IQCH: variants seen among roughly 807,000 people sequenced by gnomAD.
IQCH encodes IQ motif containing H, also known as IQ domain-containing protein H.
In IQCH, 98 loss-of-function variants were observed where a neutral mutation model predicts 117.0. The ratio of observed to expected loss-of-function variants is 0.84; its 90% confidence interval spans 0.71 to 0.99. The LOEUF (loss-of-function observed/expected upper bound fraction) is 0.99, where lower values mean the gene tolerates loss of function less well. IQCH is among the 50% of genes least tolerant of loss of function. The pLI, the probability that IQCH is intolerant of heterozygous loss-of-function variation, is 0.00. For synonymous variants in IQCH, 412 were observed against 448.2 expected (o/e 0.92, Z 1.02); for missense variants, 1,102 against 1,243.8 (o/e 0.89, Z 1.72).
At position 67,457,441 on chromosome 15, in the gene IQCH, T is replaced by A. The variant is rs946196325; in HGVS notation, c.2506-7686T>A. ...TGGGATTCTGAGGCCTGTATTTAAA[T>A]AGCATCTGCAAAGAGTTAAATGTGC... On this transcript the variant is annotated intron_variant, in intron 16 of 20. Transcript: ENST00000335894. This position sits in a 1 kb window ranked among gnomAD's most constrained non-coding sequence, Gnocchi z 5.7. 6.6e-6 allele frequency among the ~76,000 whole-genome samples: 1 copy of A among 152,214 alleles called. No homozygotes were observed. Among genetic ancestry groups the A allele is most frequent in the South Asian group, 2.1e-4 (1 of 4,834 alleles).
chr15:67,360,793 GAT>G (rs1043874520), intron 8 of IQCH, among the ~76,000 whole-genome samples: 2 of 152,222 alleles, frequency 1.3e-5, no homozygotes, highest in African/African-American at 4.8e-5. Flanking sequence ...GCTGTGCCTA[GAT>G]AGAGCTGTAT....
At chr15:67,261,543 T>C (rs754245799) in intron 2 of IQCH, 149 bp downstream of exon 2, 16 of 599,606 alleles carry the variant, frequency 2.7e-5, no homozygotes, top group Non-Finnish European at 4.3e-5. Context: ...TTATTTGTTC[T>C]CATAATTATT....
chr15:67,467,285 C>CAATT lies in IQCH; in HGVS notation c.2676+1989_2676+1992dup. On this transcript the variant is annotated intron_variant, in intron 17 of 20. Transcript: ENST00000335894. The surrounding 1 kb of genome is among the most constrained non-coding windows in gnomAD (Gnocchi z 5.7). ...GTATTCAGCACAAGACTTCCAAAGA[C>CAATT]AATTGCAGCTTTGAAGTATGTTGCT... is the stretch of plus-strand genomic sequence containing the variant. 6.6e-6 allele frequency among the ~76,000 whole-genome samples: 1 copy of CAATT among 152,286 alleles called. No individual in the cohort carries two copies. Among genetic ancestry groups the CAATT allele is most frequent in the South Asian group, 2.1e-4 (1 of 4,826 alleles).
At chr15:67,439,155 G>A (rs1406130595) in intron 16 of IQCH, among the ~76,000 whole-genome samples, 1 of 152,110 alleles carries the variant, frequency 6.6e-6, no homozygotes, top group African/African-American at 2.4e-5. Flanking sequence ...CTTATGATAG[G>A]CCATAAAACG....
chr15:67,388,795 C>T lies in IQCH; in HGVS notation c.1457-36C>T, dbSNP rs1305320067. ...CAGAGTTCATAATGTCATTTACCTT[C>T]ACACCAGTAATTAACATTGTGCCTG... is the stretch of plus-strand genomic sequence containing the variant. On this transcript the variant is annotated intron_variant, in intron 11 of 20. Transcript: ENST00000335894. The surrounding 1 kb of genome is among the most constrained non-coding windows in gnomAD (Gnocchi z 5.5). 2.6e-6 allele frequency: 4 copies of T among 1,549,346 alleles called. No homozygotes were observed. Among genetic ancestry groups the T allele is most frequent in the Admixed American group, 3.4e-5 (2 of 59,390 alleles).
chr15:67,412,102 A>C (rs2081464955), intron 14 of IQCH, among the ~76,000 whole-genome samples: 2 of 152,238 alleles, frequency 1.3e-5, no homozygotes, highest in Non-Finnish European at 2.9e-5. Context: ...TAGAGCTATC[A>C]GCCCCACAAA....
At position 67,448,223 on chromosome 15, in the gene IQCH, T is replaced by C. The variant is rs112452577; in HGVS notation, c.2506-16904T>C. ...ACCATATACCATAAAATTCACACTT[T>C]TTAAAATTTTATTATTATACTTTAA... is the stretch of plus-strand genomic sequence containing the variant. On this transcript the variant is annotated intron_variant, in intron 16 of 20. Transcript: ENST00000335894. Among the ~76,000 whole-genome samples the C allele has an allele frequency of 9.1e-3, 1,379 of 152,134 alleles. 31 individuals carry two copies. Among genetic ancestry groups the C allele is most frequent in the African/African-American group, 0.032 (1,318 of 41,484 alleles).
chr15:67,286,416 C>G (rs560592519), intron 4 of IQCH, among the ~76,000 whole-genome samples: 1 of 151,932 alleles, frequency 6.6e-6, no homozygotes, highest in East Asian at 1.9e-4. Flanking sequence ...ATTTGGATGC[C>G]CTTTATTTCT....
chr15:67,444,182 C>T (rs542929785), intron 16 of IQCH, among the ~76,000 whole-genome samples: 1 of 152,328 alleles, frequency 6.6e-6, no homozygotes, highest in East Asian at 1.9e-4. Flanking sequence ...CCAGAAAACA[C>T]ATCTCCTATT....
chr15:67,380,632 A>G (rs550538820), intron 10 of IQCH, among the ~76,000 whole-genome samples: 4 of 152,306 alleles, frequency 2.6e-5, no homozygotes, highest in Admixed American at 2.0e-4. Context: ...TTATTTTTCT[A>G]CCATTAGAAT....
chr15:67,279,518 T>C lies in IQCH; in HGVS notation c.387+6T>C, dbSNP rs762935869. On this transcript the variant is annotated splice_donor_region_variant and intron_variant, in intron 4 of 20. Coordinates refer to ENST00000335894, the MANE Select transcript of IQCH (RefSeq NM_001031715.3). ...CTGTCTTTCCAAGAGCAAAGGTAGG[T>C]ATAGAGAAATTCATAGAGACAGAAA... The C allele has an allele frequency of 7.2e-6, 11 of 1,520,020 alleles. No individual in the cohort carries two copies. The highest frequency in any genetic ancestry group is 4.1e-5 in the African/African-American group (3 of 72,340). 94.2% of individuals were successfully genotyped at this position (1,520,020 alleles called of 1,614,324 possible).
chr15:67,307,619 A>G (rs947882022), intron 4 of IQCH, among the ~76,000 whole-genome samples: 14 of 152,180 alleles, frequency 9.2e-5, no homozygotes, highest in Non-Finnish European at 1.3e-4. Context: ...TGGCAACGGT[A>G]GCAGAATTAG....
rs938849846 is a variant in IQCH, at chr15:67,327,432, T to TA, written c.388-9534dup. Reference sequence around the variant, plus strand: ...CTGCATAATAAATCACATCAAATCTTAAAAAAAAATGTATAACAGCAGCTC... The same window carrying TA: ...CTGCATAATAAATCACATCAAATCTTAAAAAAAAAATGTATAACAGCAGCTC... On this transcript the variant is annotated intron_variant, in intron 4 of 20. Transcript: ENST00000335894. 4.5e-3 allele frequency among the ~76,000 whole-genome samples: 675 copies of TA among 151,662 alleles called. 4 individuals are homozygous for TA. Among genetic ancestry groups the TA allele is most frequent in the African/African-American group, 0.016 (652 of 41,382 alleles).
rs2082915674 is a variant in IQCH, at chr15:67,465,780, G to A, written c.2676+483G>A. 6.6e-6 allele frequency among the ~76,000 whole-genome samples: 1 copy of A among 152,070 alleles called. No homozygotes were observed. The highest frequency in any genetic ancestry group is 2.4e-5 in the African/African-American group (1 of 41,414). On this transcript the variant is annotated intron_variant, in intron 17 of 20. Transcript: ENST00000335894. The surrounding 1 kb of genome is among the most constrained non-coding windows in gnomAD (Gnocchi z 5.9). ...CCAGAGGCTGATAAGATAACCCCCA[G>A]CCCCACATCCAGTCAGCAAGCAGGG... is the stretch of plus-strand genomic sequence containing the variant.
Position 67,416,834 on chromosome 15 carries a change from T to C in IQCH, c.2098-97T>C. On this transcript the variant is annotated intron_variant, in intron 14 of 20. Coordinates refer to ENST00000335894, the MANE Select transcript of IQCH (RefSeq NM_001031715.3). The surrounding 1 kb of genome is among the most constrained non-coding windows in gnomAD (Gnocchi z 5.1). The stretch of plus-strand genomic sequence containing the variant: ...CTCTGGGTAAACAGTAACCACATTT[T>C]TTTTGCCTGTTGGAGGCCTGGTTTT... 1.0e-6 allele frequency: 1 copy of C among 998,700 alleles called. No homozygotes were observed. The highest frequency in any genetic ancestry group is 1.4e-6 in the Non-Finnish European group (1 of 736,660). 61.9% of individuals were successfully genotyped at this position (998,700 alleles called of 1,614,324 possible).
intron 16 of IQCH, among the ~76,000 whole-genome samples, chr15:67,434,283 T>C (rs1390992852): frequency 6.6e-6 from 1 of 152,218 alleles, no homozygotes; most frequent in Admixed American, 6.5e-5. Flanking sequence ...TTTCTGTTGC[T>C]ATAAGTTTGA....
At position 67,272,534 on chromosome 15, in the gene IQCH, T is replaced by C. The variant is rs55699450; in HGVS notation, c.270-6861T>C. 9.6e-3 allele frequency among the ~76,000 whole-genome samples: 1,467 copies of C among 152,306 alleles called. 28 individuals are homozygous for C. The highest frequency in any genetic ancestry group is 0.033 in the African/African-American group (1,379 of 41,560). ...CTGAAAGTGGGGTGCTAAAGTCCCT[T>C]ACTATTATTGTGTTGCAATCTATCT... is the stretch of plus-strand genomic sequence containing the variant. On this transcript the variant is annotated intron_variant, in intron 3 of 20. Transcript: ENST00000335894.
intron 16 of IQCH, among the ~76,000 whole-genome samples, chr15:67,448,780 G>C (rs1445569122): frequency 2.6e-5 from 4 of 152,132 alleles, no homozygotes; most frequent in Admixed American, 2.6e-4. Context: ...ATTTCTAGTT[G>C]TAGATCCCTG....
At chr15:67,419,765 A>C (rs1350818049) in intron 15 of IQCH, among the ~76,000 whole-genome samples, 1 of 152,162 alleles carries the variant, frequency 6.6e-6, no homozygotes, top group Non-Finnish European at 1.5e-5. Context: ...ACAGGGTCTA[A>C]CTTTGTGGCA....
Sources: gnomAD v4.1 joint callset for allele counts (sites outside exome capture counted in the v4.1 genomes callset) on GRCh38, gnomAD v4.1.1 for gene constraint, Gnocchi (gnomAD v3.1) non-coding constraint, MANE v1.5 for transcripts, NCBI Gene and HGNC (gene_info 2026-07-23, HGNC 2026-07-21) for gene names.